Variants in EXOC6B observed in about 807,000 individuals in gnomAD.
EXOC6B encodes exocyst complex component 6B.
Under a neutral mutation model 113.5 loss-of-function variants are expected in EXOC6B, and 54 were observed. The ratio of observed to expected loss-of-function variants is 0.48; its 90% CI spans 0.38 to 0.60. The LOEUF is 0.60. EXOC6B is among the 20% of genes least tolerant of loss of function. The probability of loss-of-function intolerance (pLI) is 0.00; values close to 1 mark genes in which losing one functional copy is unlikely to be tolerated. For synonymous variants in EXOC6B, 357 were observed against 339.0 expected, an observed-to-expected ratio of 1.05 and a Z score of -0.58; for missense variants, 797 against 977.5, an observed-to-expected ratio of 0.82 and a Z score of 2.46.
chr2:72,663,298 T>C lies in EXOC6B; in HGVS notation c.669+54805A>G, dbSNP rs554911875. Among the ~76,000 whole-genome samples the C allele has an allele frequency of 2.0e-5, 3 of 152,282 alleles. No individual in the cohort carries two copies. In the South Asian group the frequency reaches 6.2e-4, roughly 32 times the overall value. On this transcript the variant is annotated intron_variant, in intron 6 of 21. Transcript: ENST00000272427. ...CTCAAAAGTGTACATATGTATAATATATGTCCCATTCTCAAGGAGACAGAA... is the reference window on the plus strand; with the variant it reads ...CTCAAAAGTGTACATATGTATAATACATGTCCCATTCTCAAGGAGACAGAA...
At chr2:72,597,931 A>C (rs1304800280) in intron 6 of EXOC6B, among the ~76,000 whole-genome samples, 2 of 152,028 alleles carry the variant, frequency 1.3e-5, no homozygotes, top group Non-Finnish European at 1.5e-5. Context: ...CAGAGCACCA[A>C]TATGCATAAG....
At chr2:72,530,395 C>A (rs1701942542) in intron 8 of EXOC6B, among the ~76,000 whole-genome samples, 1 of 152,090 alleles carries the variant, frequency 6.6e-6, no homozygotes, top group Non-Finnish European at 1.5e-5. Context: ...TATCTAGTTT[C>A]AGTTTTGGAG....
chr2:72,430,111 A>G (rs1056701013), intron 18 of EXOC6B, among the ~76,000 whole-genome samples: 1 of 152,212 alleles, frequency 6.6e-6, no homozygotes, highest in Non-Finnish European at 1.5e-5. Context: ...AGCCACATAC[A>G]ACTAAAGACA....
chr2:72,688,909 G>A (rs1296760793), intron 6 of EXOC6B, among the ~76,000 whole-genome samples: 2 of 152,092 alleles, frequency 1.3e-5, no homozygotes, highest in African/African-American at 4.8e-5. Flanking sequence ...TTTAGTTCAT[G>A]GTACTAACCC....
chr2:72,782,152 A>G (rs1009199504), intron 1 of EXOC6B, among the ~76,000 whole-genome samples: 3 of 151,038 alleles, frequency 2.0e-5, no homozygotes, highest in Non-Finnish European at 4.4e-5. Context: ...AAAAAAAAAA[A>G]AAAGAAAAGA....
At chr2:72,820,698 A>C (rs1686533501) in intron 1 of EXOC6B, among the ~76,000 whole-genome samples, 1 of 152,142 alleles carries the variant, frequency 6.6e-6, no homozygotes, top group African/African-American at 2.4e-5. Context: ...TGATAAGGAG[A>C]TCAAAATAAA....
chr2:72,789,798 ATTGT>A (rs1446707447), intron 1 of EXOC6B, among the ~76,000 whole-genome samples: 3 of 152,154 alleles, frequency 2.0e-5, no homozygotes, highest in African/African-American at 7.2e-5. Context: ...AATCTAGGTG[ATTGT>A]TCTTTCGATT....
At chr2:72,547,027 C>T (rs1702948902) in intron 8 of EXOC6B, among the ~76,000 whole-genome samples, 1 of 152,230 alleles carries the variant, frequency 6.6e-6, no homozygotes, top group South Asian at 2.1e-4. Context: ...GGCGAAGCCT[C>T]TGAAATTTTA....
At chr2:72,626,642 T>C (rs1224709278) in intron 6 of EXOC6B, among the ~76,000 whole-genome samples, 1 of 152,174 alleles carries the variant, frequency 6.6e-6, no homozygotes, top group Non-Finnish European at 1.5e-5. Context: ...TGTAATAGTT[T>C]TGTCTTCTCA....
At chr2:72,601,858 T>C (rs79781178) in intron 6 of EXOC6B, among the ~76,000 whole-genome samples, 107 of 152,242 alleles carry the variant, frequency 7.0e-4, no homozygotes, top group African/African-American at 2.6e-3. Flanking sequence ...ATATACACCA[T>C]GAAAAAGCAG....
At chr2:72,241,069 A>G (rs1682282185) in intron 20 of EXOC6B, among the ~76,000 whole-genome samples, 1 of 152,254 alleles carries the variant, frequency 6.6e-6, no homozygotes, top group Non-Finnish European at 1.5e-5. Flanking sequence ...AGATTGAAAG[A>G]TAAAAACTGA....
At chr2:72,246,469 C>T (rs1005345704) in intron 20 of EXOC6B, among the ~76,000 whole-genome samples, 6 of 150,948 alleles carry the variant, frequency 4.0e-5, no homozygotes, top group African/African-American at 1.2e-4. Flanking sequence ...GATGTAAGTC[C>T]GGAATGCCAA....
rs754233091 is a variant in EXOC6B at position 72,177,460 on chromosome 2, A to G, written c.*1875T>C. On this transcript the variant is annotated 3_prime_UTR_variant, in exon 22 of 22. Transcript: ENST00000272427. Reference sequence around the variant, plus strand: ...ATAATCGTTTCTCACTTGTTTCAACAAAGATGAGAGCTTGGCGATGCCATT... The same window carrying G: ...ATAATCGTTTCTCACTTGTTTCAACGAAGATGAGAGCTTGGCGATGCCATT... 4 of 152,262 alleles carry G rather than the reference A, an allele frequency of 2.6e-5. No individual in the cohort carries two copies. Among genetic ancestry groups the G allele is most frequent in the Admixed American group, 6.5e-5 (1 of 15,284 alleles). 9.4% of individuals were successfully genotyped at this position (152,262 alleles called of 1,614,324 possible). A position where few individuals can be genotyped will look rare whatever the true frequency, so the allele number is the denominator to read the frequency against.
rs1293175625 is a variant in EXOC6B at position 72,267,938 on chromosome 2, C to T, written c.2196+67009G>A. Reference sequence around the variant, plus strand: ...TCTAGGTAAAACTCCCCAAGAAACACTCATATATATGCACAAGGAAACAAA... The same window carrying T: ...TCTAGGTAAAACTCCCCAAGAAACATTCATATATATGCACAAGGAAACAAA... On this transcript the variant is annotated intron_variant, in intron 20 of 21. Coordinates refer to ENST00000272427, the MANE Select transcript of EXOC6B (RefSeq NM_015189.3). Among the ~76,000 whole-genome samples the T allele has an allele frequency of 2.0e-5, 3 of 152,258 alleles. No individual in the cohort carries two copies. In the East Asian group the frequency reaches 5.8e-4, roughly 29 times the overall value.
intron 1 of EXOC6B, among the ~76,000 whole-genome samples, chr2:72,766,549 C>CT (rs1310110360): frequency 2.0e-5 from 3 of 152,116 alleles, no homozygotes; most frequent in Non-Finnish European, 4.4e-5. Flanking sequence ...GAGAATTTCA[C>CT]TACAGCCTTA....
intron 1 of EXOC6B, among the ~76,000 whole-genome samples, chr2:72,760,339 TACTGATGGTCACAG>T (rs1333130619): frequency 6.6e-6 from 1 of 152,240 alleles, no homozygotes; most frequent in Non-Finnish European, 1.5e-5. Context: ...AGTGTTAGTT[TACTGATGGTCACAG>T]ACTTAGAGGA....
intron 8 of EXOC6B, among the ~76,000 whole-genome samples, chr2:72,528,007 T>C (rs1701819750): frequency 6.6e-6 from 1 of 152,046 alleles, no homozygotes; most frequent in Non-Finnish European, 1.5e-5. Context: ...TCTTTTACCC[T>C]CAGCAGAGTC....
rs534185265 is a variant in EXOC6B at position 72,282,088 on chromosome 2, G to T, written c.2196+52859C>A. Among the ~76,000 whole-genome samples the T allele has an allele frequency of 7.2e-5, 11 of 152,146 alleles. 1 individual carries two copies. The highest frequency in any genetic ancestry group is 2.6e-4 in the African/African-American group (11 of 41,530). On this transcript the variant is annotated intron_variant, in intron 20 of 21. Coordinates refer to ENST00000272427, the MANE Select transcript of EXOC6B (RefSeq NM_015189.3). ...CCTCCTCACCCCCTGCCAACAAAAA[G>T]ACTTTTCCAGGCAAACAAAAGCTGA...
At chr2:72,795,263 T>C (rs1684880462) in intron 1 of EXOC6B, among the ~76,000 whole-genome samples, 1 of 152,216 alleles carries the variant, frequency 6.6e-6, no homozygotes, top group Non-Finnish European at 1.5e-5. Flanking sequence ...TATATAAACA[T>C]AATTTTGGTG....
Sources: allele counts gnomAD v4.1 joint callset (sites outside exome capture counted in the v4.1 genomes callset), GRCh38; gene constraint gnomAD v4.1.1; transcripts MANE v1.5; gene names NCBI Gene and HGNC (gene_info 2026-07-23, HGNC 2026-07-21).